Variants in DOCK11 observed in about 807,000 individuals in gnomAD.
The protein encoded by DOCK11 is dedicator of cytokinesis 11.
DOCK11 carries 70 observed loss-of-function variants against 169.1 expected under a neutral mutation model. The observed-to-expected ratio is 0.41, with a 90% CI of 0.34 to 0.51. DOCK11 has a LOEUF of 0.51. Among genes scored for constraint, DOCK11 ranks in the 20% least tolerant of loss-of-function variants. The pLI is 0.10. For missense variants in DOCK11, 1,166 were observed against 1,538.8 expected (o/e 0.76, Z 4.05); for synonymous variants, 529 against 541.3 (o/e 0.98, Z 0.32).
intron 20 of DOCK11, among the ~76,000 whole-genome samples, chrX:118,596,585 C>T (rs1217968961): frequency 1.8e-5 from 2 of 112,029 alleles, no homozygotes; most frequent in African/African-American, 6.5e-5. Flanking sequence ...AGCTTTTTTA[C>T]AGCTGAGTTA....
At chrX:118,624,754 CTT>C (rs368211104) in intron 32 of DOCK11, 99 bp downstream of exon 32, 7,499 of 223,477 alleles carry the variant, frequency 0.034, no homozygotes, top group Middle Eastern at 0.041. Flanking sequence ...TAAGAGTTCA[CTT>C]TTTTTTTTTT....
intron 24 of DOCK11, among the ~76,000 whole-genome samples, chrX:118,607,336 C>G (rs1171139103): frequency 9.5e-6 from 1 of 105,820 alleles, no homozygotes; most frequent in Admixed American, 1.0e-4. Flanking sequence ...AGGCTGGTCT[C>G]GAACTCCTGA....
chrX:118,516,061 T>C (rs2057683660), intron 1 of DOCK11, among the ~76,000 whole-genome samples: 1 of 72,181 alleles, frequency 1.4e-5, no homozygotes, highest in Non-Finnish European at 2.5e-5. Flanking sequence ...AAAATGACAT[T>C]CTTTCTTTCT....
At chrX:118,566,282 A>G in intron 8 of DOCK11, 100 bp downstream of exon 8, 1 of 800,047 alleles carries the variant, frequency 1.2e-6, no homozygotes, top group Non-Finnish European at 1.8e-6. Flanking sequence ...TTAATCTTAA[A>G]AGTTGACCTG....
At chrX:118,604,621 C>T (rs758314503) in intron 23 of DOCK11, among the ~76,000 whole-genome samples, 2 of 91,874 alleles carry the variant, frequency 2.2e-5, no homozygotes, top group East Asian at 7.8e-4. Context: ...ACAACTTTCA[C>T]TGTTTGTATT....
At position 118,680,703 on chromosome X, in the gene DOCK11, T is replaced by C. The variant is rs2016723112; in HGVS notation, c.5671+11T>C. 8.8e-7 allele frequency: 1 copy of C among 1,137,798 alleles called. No individual in the cohort carries two copies. Among genetic ancestry groups the C allele is most frequent in the Middle Eastern group, 2.4e-4 (1 of 4,103 alleles). 93.8% of individuals were successfully genotyped at this position (1,137,798 alleles called of 1,213,427 possible). A position where few individuals can be genotyped will look rare whatever the true frequency, so the allele number is the denominator to read the frequency against. ...GTACAATCTTGACAAGTAAGTACAA[T>C]TTTACATATTAACTTCTTATTTGTC... On this transcript the variant is annotated intron_variant, in intron 49 of 52. Coordinates refer to ENST00000276202, the MANE Select transcript of DOCK11 (RefSeq NM_144658.4).
At chrX:118,659,229 G>T (rs1237982878) in intron 44 of DOCK11, among the ~76,000 whole-genome samples, 1 of 111,183 alleles carries the variant, frequency 9.0e-6, no homozygotes, top group Non-Finnish European at 1.9e-5. Flanking sequence ...CTTGGATTCA[G>T]GGTTATGGTC....
intron 23 of DOCK11, among the ~76,000 whole-genome samples, chrX:118,600,338 C>T (rs1467832872): frequency 1.9e-5 from 2 of 105,312 alleles, no homozygotes; most frequent in Non-Finnish European, 1.9e-5. Flanking sequence ...ACCTGGGAGG[C>T]GGAGGTTGCA....
At chrX:118,579,948 T>G (rs2013571306) in intron 13 of DOCK11, 149 bp from the exon 14 acceptor site, 4 of 407,879 alleles carry the variant, frequency 9.8e-6, no homozygotes, top group Admixed American at 4.7e-5. Flanking sequence ...AATGGCTGGC[T>G]GATGCATGTT....
rs776597583 is a variant in DOCK11 at position 118,608,299 on chromosome X, G to A, written c.2820G>A (p.Thr940=). 1.8e-5 allele frequency: 22 copies of A among 1,209,285 alleles called. No individual in the cohort carries two copies. The highest frequency in any genetic ancestry group is 2.3e-4 in the Middle Eastern group (1 of 4,364). Residue 940 remains threonine, a synonymous_variant, in exon 26 of 53, where the codon ACG becomes ACA. Coordinates refer to ENST00000276202, the MANE Select transcript of DOCK11 (RefSeq NM_144658.4). The part of the protein sequence containing the change: ...AQLIHETLAT[T]MIAILKQSAD... ...TGATACATGAAACCCTGGCTACTACGATGATAGCAATATTGAAACAGTCTG... is the reference window on the plus strand; with the variant it reads ...TGATACATGAAACCCTGGCTACTACAATGATAGCAATATTGAAACAGTCTG...
At chrX:118,532,973 A>G (rs964131644) in intron 1 of DOCK11, among the ~76,000 whole-genome samples, 18 of 110,626 alleles carry the variant, frequency 1.6e-4, no homozygotes, top group Admixed American at 1.1e-3. Context: ...TTATTTATTT[A>G]TTTGTTTGTT....
At chrX:118,617,807 C>A (rs945912250) in intron 30 of DOCK11, among the ~76,000 whole-genome samples, 3 of 111,440 alleles carry the variant, frequency 2.7e-5, no homozygotes, top group African/African-American at 6.5e-5. Flanking sequence ...TGCTTGAACC[C>A]TGGAGGCAGA....
intron 1 of DOCK11, among the ~76,000 whole-genome samples, chrX:118,531,725 CTTTTTGTAT>C (rs1261476015): frequency 1.8e-5 from 2 of 109,479 alleles, no homozygotes; most frequent in Non-Finnish European, 3.8e-5. Context: ...ATCTGGCTAA[CTTTTTGTAT>C]TTTTAGTAGA....
intron 40 of DOCK11, among the ~76,000 whole-genome samples, chrX:118,644,941 A>G (rs1356591696): frequency 3.6e-5 from 4 of 111,963 alleles, no homozygotes; most frequent in African/African-American, 1.3e-4. Context: ...AAAGGCAGTA[A>G]AAAGACTAGT....
intron 1 of DOCK11, among the ~76,000 whole-genome samples, chrX:118,542,474 A>G (rs1178003184): frequency 2.8e-5 from 3 of 107,315 alleles, no homozygotes; most frequent in Non-Finnish European, 5.8e-5. Context: ...CCCAGCCAGA[A>G]CTCTTTATCT....
At chrX:118,569,700 G>A (rs1270331566) in intron 10 of DOCK11, among the ~76,000 whole-genome samples, 6 of 108,422 alleles carry the variant, frequency 5.5e-5, no homozygotes, top group African/African-American at 1.7e-4. Context: ...CTCCCCCCAC[G>A]GAGTTAAATA....
chrX:118,499,030 A>C (rs1382862056), intron 1 of DOCK11, among the ~76,000 whole-genome samples: 1 of 112,245 alleles, frequency 8.9e-6, no homozygotes, highest in Non-Finnish European at 1.9e-5. Context: ...TAACCCAGGG[A>C]AAGGGATAAT....
chrX:118,636,338 A>G lies in DOCK11; in HGVS notation c.3887-8A>G, dbSNP rs757114935. 1.9e-6 allele frequency: 2 copies of G among 1,078,583 alleles called. No individual in the cohort carries two copies. Among genetic ancestry groups the G allele is most frequent in the East Asian group, 3.2e-5 (1 of 31,358 alleles). 88.9% of individuals were successfully genotyped at this position (1,078,583 alleles called of 1,213,427 possible). ...CAAGATCTAACACTTTATTTATTCC[A>G]TTTTCAGATACTCTCTTAACTTACT... is the stretch of plus-strand genomic sequence containing the variant. On this transcript the variant is annotated splice_polypyrimidine_tract_variant and splice_region_variant and intron_variant, in intron 35 of 52. Coordinates refer to ENST00000276202, the MANE Select transcript of DOCK11 (RefSeq NM_144658.4).
At chrX:118,669,828 G>A (rs1417720104) in intron 45 of DOCK11, among the ~76,000 whole-genome samples, 3 of 111,755 alleles carry the variant, frequency 2.7e-5, no homozygotes, top group African/African-American at 9.8e-5. Flanking sequence ...ACTCTGGGTA[G>A]AAGCCTTCTT....
Sources: allele counts gnomAD v4.1 joint callset (sites outside exome capture counted in the v4.1 genomes callset), GRCh38; gene constraint gnomAD v4.1.1; transcripts MANE v1.5; gene names NCBI Gene and HGNC (gene_info 2026-07-23, HGNC 2026-07-21).